The following CCDC102B variants were observed in gnomAD, a reference collection of about 807,000 sequenced individuals.
CCDC102B encodes coiled-coil domain containing 102B.
A neutral mutation model predicts 57.4 loss-of-function variants in CCDC102B; 75 were observed. That is an observed-to-expected ratio of 1.31 (90% CI 1.08 to 1.58). The LOEUF (loss-of-function observed/expected upper bound fraction) is 1.58, where lower values mean the gene tolerates loss of function less well. CCDC102B is among the 40% of genes most tolerant of loss of function. CCDC102B has a pLI of 0.00. For synonymous variants in CCDC102B, 206 were observed against 201.9 expected (o/e 1.02, Z -0.17); for missense variants, 636 against 582.6 (o/e 1.09, Z -0.94).
At chr18:68,858,658 G>T (rs550693622) in intron 4 of CCDC102B, among the ~76,000 whole-genome samples, 1 of 152,016 alleles carries the variant, frequency 6.6e-6, no homozygotes, top group East Asian at 1.9e-4. Flanking sequence ...TTTGAGGTAC[G>T]CCTCAGTTTT....
intron 4 of CCDC102B, among the ~76,000 whole-genome samples, chr18:68,856,316 G>A (rs376988254): frequency 4.0e-5 from 6 of 151,656 alleles, no homozygotes; most frequent in Non-Finnish European, 7.4e-5. Context: ...TAAGACACAC[G>A]GTGTTGCTCT....
intron 2 of CCDC102B, among the ~76,000 whole-genome samples, chr18:68,736,477 T>G (rs1026827153): frequency 3.9e-5 from 6 of 152,220 alleles, no homozygotes; most frequent in African/African-American, 1.4e-4. Flanking sequence ...CCATTATTAA[T>G]GTTGTTGCCT....
rs1210779212 is a variant in CCDC102B at position 68,782,091 on chromosome 18, T to C, written c.-66-41275T>C. 3.3e-5 allele frequency among the ~76,000 whole-genome samples: 5 copies of C among 152,104 alleles called. No individual in the cohort carries two copies. The South Asian group carries it at 6.2e-4, about 19-fold the overall frequency. On this transcript the variant is annotated intron_variant, in intron 2 of 3. Transcript: ENST00000578970. ...GAAGAAGCAATAGCAGTCTTGTTCT[T>C]TTACTGCCCTATCAAATACATTATC...
Position 68,837,008 on chromosome 18 carries a change from A to G in CCDC102B, c.245A>G (p.Lys82Arg), listed in dbSNP as rs770453147. Residue 82 changes from lysine (K) to arginine (R), a missense_variant, in exon 2 of 8, where the codon AAG becomes AGG. Lys to Arg is a conservative substitution (Grantham distance 26). Coordinates refer to ENST00000360242, the MANE Select transcript of CCDC102B (RefSeq NM_024781.3). ...ELRLRELEEV[K>R]ARAAQMEKTM... ...CGCCTGCGGGAGCTTGAAGAAGTCA[A>G]GGCCAGAGCTGCTCAGATGGAAAAG... 6.2e-7 allele frequency: 1 copy of G among 1,614,198 alleles called. No individual in the cohort carries two copies. Among genetic ancestry groups the G allele is most frequent in the Non-Finnish European group, 8.5e-7 (1 of 1,180,042 alleles).
At chr18:69,007,641 T>C (rs141754950) in intron 6 of CCDC102B, among the ~76,000 whole-genome samples, 2,616 of 152,280 alleles carry the variant, frequency 0.017, 38 homozygotes, top group South Asian at 0.039. Context: ...TCAGATTCAG[T>C]AGGTCTTGAA....
At chr18:68,988,706 G>A (rs1327612112) in intron 6 of CCDC102B, among the ~76,000 whole-genome samples, 2 of 152,168 alleles carry the variant, frequency 1.3e-5, no homozygotes, top group African/African-American at 4.8e-5. Context: ...CTATTTTGAG[G>A]TTAAATGCCA....
At chr18:69,047,188 A>G (rs1050873834) in intron 7 of CCDC102B, among the ~76,000 whole-genome samples, 4 of 152,152 alleles carry the variant, frequency 2.6e-5, no homozygotes, top group African/African-American at 7.2e-5. Flanking sequence ...TGAATCTGCC[A>G]TCGCATCAAA....
At chr18:68,761,897 C>A (rs1243658288) in intron 2 of CCDC102B, among the ~76,000 whole-genome samples, 2 of 151,926 alleles carry the variant, frequency 1.3e-5, no homozygotes, top group Non-Finnish European at 2.9e-5. Context: ...TTTTAATCTT[C>A]TTTTTTCATT....
intron 1 of CCDC102B, among the ~76,000 whole-genome samples, chr18:68,819,295 T>C (rs2036606844): frequency 6.6e-6 from 1 of 152,060 alleles, no homozygotes; most frequent in Non-Finnish European, 1.5e-5. Flanking sequence ...GTGATGTAGC[T>C]GTTAGTTCCA....
chr18:68,897,650 T>C (rs2040292728), intron 6 of CCDC102B: 2 of 1,467,154 alleles, frequency 1.4e-6, no homozygotes, highest in Non-Finnish European at 9.1e-7. Flanking sequence ...TTCAGACAGT[T>C]TCAAGATTTC....
rs778412165 is a variant in CCDC102B at position 68,837,055 on chromosome 18, T to C, written c.292T>C (p.Cys98Arg). 13 of 1,614,104 alleles carry C rather than the reference T, an allele frequency of 8.1e-6. No homozygotes were observed. Among genetic ancestry groups the C allele is most frequent in the Non-Finnish European group, 1.1e-5 (13 of 1,180,018 alleles). The change falls in exon 2 of 8, where the codon TGC becomes CGC. Residue 98 changes from cysteine to arginine, a missense_variant. Coordinates refer to ENST00000360242, the MANE Select transcript of CCDC102B (RefSeq NM_024781.3). ...AAAGACCATGCGGTGGTGGTCGGAC[T>C]GCACTGCCAACTGGAGAGAAAAATG... ...MEKTMRWWSD[C>R]TANWREKWSK...
chr18:68,927,503 C>A (rs1277763666), intron 6 of CCDC102B, among the ~76,000 whole-genome samples: 1 of 151,876 alleles, frequency 6.6e-6, no homozygotes, highest in Non-Finnish European at 1.5e-5. Context: ...CTGTTTTATT[C>A]ATTATATGAC....
chr18:68,952,757 T>C (rs752223040), intron 6 of CCDC102B, among the ~76,000 whole-genome samples: 3 of 152,170 alleles, frequency 2.0e-5, no homozygotes, highest in African/African-American at 7.2e-5. Context: ...TAATGCCAAA[T>C]GCCATCAAGA....
At chr18:68,895,836 A>T (rs1194205533) in intron 5 of CCDC102B, among the ~76,000 whole-genome samples, 1 of 151,890 alleles carries the variant, frequency 6.6e-6, no homozygotes, top group African/African-American at 2.4e-5. Context: ...ATTCTAATAG[A>T]TTTTCTACTG....
intron 2 of CCDC102B, among the ~76,000 whole-genome samples, chr18:68,771,619 G>A (rs1024983051): frequency 3.3e-5 from 5 of 152,170 alleles, no homozygotes; most frequent in South Asian, 2.1e-4. Flanking sequence ...CTCTGTAAGC[G>A]AGGAGCGGTA....
chr18:68,745,837 A>T (rs2145232547), intron 2 of CCDC102B, among the ~76,000 whole-genome samples: 2 of 152,222 alleles, frequency 1.3e-5, no homozygotes, highest in South Asian at 4.1e-4. Flanking sequence ...TGTGCTATTT[A>T]TCTTTCTGTT....
intron 6 of CCDC102B, among the ~76,000 whole-genome samples, chr18:68,979,570 G>A (rs180902115): frequency 6.8e-4 from 103 of 152,138 alleles, no homozygotes; most frequent in African/African-American, 2.4e-3. Flanking sequence ...GGAGAAGGCT[G>A]TGTATGATTG....
At chr18:68,850,694 T>C (rs529284769) in intron 4 of CCDC102B, among the ~76,000 whole-genome samples, 2 of 152,226 alleles carry the variant, frequency 1.3e-5, no homozygotes, top group South Asian at 4.1e-4. Context: ...ACACCTCTTT[T>C]GTCCTTTCTT....
intron 1 of CCDC102B, among the ~76,000 whole-genome samples, chr18:68,829,921 AAAC>A (rs1156580225): frequency 3.3e-5 from 5 of 152,082 alleles, no homozygotes; most frequent in East Asian, 1.9e-4. Context: ...TTAAATGTAA[AAAC>A]AACAACAACA....
Sources: allele counts gnomAD v4.1 joint callset (sites outside exome capture counted in the v4.1 genomes callset), GRCh38; gene constraint gnomAD v4.1.1; transcripts MANE v1.5; gene names NCBI Gene and HGNC (gene_info 2026-07-23, HGNC 2026-07-21).